Variants in COL14A1 observed in about 807,000 individuals in gnomAD.
COL14A1 encodes collagen alpha-1(XIV) chain.
Under a neutral mutation model 230.3 loss-of-function variants are expected in COL14A1, and 136 were observed. The ratio of observed to expected loss-of-function variants is 0.59; its 90% confidence interval spans 0.51 to 0.68. COL14A1 has a LOEUF of 0.68. Among genes scored for constraint, COL14A1 ranks in the 30% least tolerant of loss-of-function variants. COL14A1 has a pLI of 0.00. For synonymous variants in COL14A1, 792 were observed against 784.1 expected (o/e 1.01, Z -0.17); for missense variants, 1,976 against 2,215.8 (o/e 0.89, Z 2.17).
At chr8:120,178,591 C>A (rs1816362129) in intron 5 of COL14A1, among the ~76,000 whole-genome samples, 1 of 152,148 alleles carries the variant, frequency 6.6e-6, no homozygotes, top group African/African-American at 2.4e-5. Flanking sequence ...GGTATATACC[C>A]AGTAGTAGGA....
chr8:120,265,999 A>G (rs1054721059), intron 24 of COL14A1, among the ~76,000 whole-genome samples: 3 of 152,084 alleles, frequency 2.0e-5, no homozygotes, highest in Non-Finnish European at 4.4e-5. Context: ...GTGAATGGCT[A>G]TGTTTAGTGG....
intron 5 of COL14A1, among the ~76,000 whole-genome samples, chr8:120,188,000 C>G (rs566176995): frequency 2.3e-4 from 35 of 152,188 alleles, no homozygotes; most frequent in African/African-American, 7.5e-4. Context: ...TCCTTTCTGA[C>G]TGCAAATGGG....
intron 5 of COL14A1, among the ~76,000 whole-genome samples, chr8:120,175,168 TC>T (rs1439562452): frequency 6.6e-6 from 1 of 152,238 alleles, no homozygotes; most frequent in Non-Finnish European, 1.5e-5. Flanking sequence ...TAAGATTGTT[TC>T]CAATCTACTG....
At chr8:120,243,795 T>A in intron 19 of COL14A1, 84 bp from the exon 20 acceptor site, 1 of 1,472,298 alleles carries the variant, frequency 6.8e-7, no homozygotes, top group Non-Finnish European at 9.3e-7. Flanking sequence ...TTTGATTATT[T>A]CAAAATGCAT....
At chr8:120,305,512 T>C (rs1162898145) in intron 36 of COL14A1, among the ~76,000 whole-genome samples, 2 of 152,182 alleles carry the variant, frequency 1.3e-5, no homozygotes, top group Non-Finnish European at 2.9e-5. Flanking sequence ...ATTTGCGACA[T>C]TTCATTGTCT....
intron 1 of COL14A1, among the ~76,000 whole-genome samples, chr8:120,133,234 A>T (rs963368741): frequency 1.3e-5 from 2 of 152,084 alleles, no homozygotes; most frequent in African/African-American, 4.8e-5. Context: ...AAAAAATAAA[A>T]AAAAAAAAAA....
chr8:120,283,767 T>C lies in COL14A1; in HGVS notation c.3956T>C (p.Val1319Ala), dbSNP rs1820111807. ...AAAAATTCTGACCCATTGGTTGGGG[T>C]TATTTTAGACAGTAAGTATATTTAT... ...LNKNSDPLVGVILDNGGKTLT... is the reference protein window; with the variant it reads ...LNKNSDPLVGAILDNGGKTLT... Residue 1319 changes from valine (V) to alanine (A), a missense_variant, in exon 32 of 48, where the codon GTT becomes GCT. By Grantham distance (64) the Val-to-Ala change is moderately conservative. Transcript: ENST00000297848. 1 of 1,610,834 alleles carries C rather than the reference T, an allele frequency of 6.2e-7. No homozygotes were observed. Among genetic ancestry groups the C allele is most frequent in the Admixed American group, 1.7e-5 (1 of 59,274 alleles).
chr8:120,317,388 G>A (rs1036403553), intron 40 of COL14A1, among the ~76,000 whole-genome samples: 2 of 152,048 alleles, frequency 1.3e-5, no homozygotes. Flanking sequence ...TAAAATCTCA[G>A]TGTAGTCTCT....
At chr8:120,255,737 T>C (rs996859262) in intron 23 of COL14A1, among the ~76,000 whole-genome samples, 4 of 152,058 alleles carry the variant, frequency 2.6e-5, no homozygotes, top group Admixed American at 6.6e-5. Context: ...CTAATTTGGG[T>C]ATTCACTCTC....
intron 1 of COL14A1, among the ~76,000 whole-genome samples, chr8:120,134,674 T>C (rs938346633): frequency 2.6e-5 from 4 of 152,120 alleles, no homozygotes; most frequent in Non-Finnish European, 5.9e-5. Flanking sequence ...AAATTTCTCA[T>C]AAAAAGATGA....
chr8:120,171,572 CAT>C (rs1297185559), intron 5 of COL14A1, among the ~76,000 whole-genome samples: 1 of 152,150 alleles, frequency 6.6e-6, no homozygotes, highest in Non-Finnish European at 1.5e-5. Context: ...GCTTTGTTGA[CAT>C]GTGTGTTTTC....
intron 5 of COL14A1, among the ~76,000 whole-genome samples, chr8:120,177,145 C>A (rs1374387631): frequency 6.6e-6 from 1 of 152,106 alleles, no homozygotes; most frequent in Non-Finnish European, 1.5e-5. Context: ...TATAAAAATG[C>A]CCTGCAGCTG....
At chr8:120,274,169 C>T (rs1819769046) in intron 26 of COL14A1, among the ~76,000 whole-genome samples, 1 of 151,474 alleles carries the variant, frequency 6.6e-6, no homozygotes, top group Non-Finnish European at 1.5e-5. Context: ...ACAGAGAGGG[C>T]TTAACATACA....
At position 120,352,006 on chromosome 8, in the gene COL14A1, C is replaced by T. The variant is rs1586890704; in HGVS notation, c.5077+6443C>T. 3.4e-5 allele frequency among the ~76,000 whole-genome samples: 3 copies of T among 87,432 alleles called. 1 individual carries two copies. Among genetic ancestry groups the T allele is most frequent in the Non-Finnish European group, 6.4e-5 (3 of 46,876 alleles). The allele number at this position is 87,432 out of a possible 152,430, so 57.4% of individuals were successfully genotyped here. On this transcript the variant is annotated intron_variant, in intron 45 of 47. Transcript: ENST00000297848. ...AATCCTCAATAAAATACTGGCAAAA[C>T]GAATCCGGCAGCACATCAAAAAGCT...
intron 15 of COL14A1, 66 bp from the exon 16 acceptor site, chr8:120,226,561 G>C: frequency 1.9e-6 from 3 of 1,560,770 alleles, no homozygotes; most frequent in Middle Eastern, 3.5e-4. Flanking sequence ...ACCCCTGGGA[G>C]ATACTTGGGT....
chr8:120,323,701 A>C (rs1402430090), intron 40 of COL14A1, among the ~76,000 whole-genome samples: 1 of 151,894 alleles, frequency 6.6e-6, no homozygotes, highest in African/African-American at 2.4e-5. Flanking sequence ...TTTTTTTGTC[A>C]GGTTTCTCAA....
intron 45 of COL14A1, among the ~76,000 whole-genome samples, chr8:120,357,820 G>A (rs1219959818): frequency 6.6e-6 from 1 of 152,140 alleles, no homozygotes; most frequent in Non-Finnish European, 1.5e-5. Context: ...AATGTCAGAT[G>A]TAGGTTTTCA....
At chr8:120,223,416 T>C (rs1163389103) in intron 14 of COL14A1, among the ~76,000 whole-genome samples, 2 of 152,116 alleles carry the variant, frequency 1.3e-5, no homozygotes, top group Non-Finnish European at 2.9e-5. Context: ...ACGCTTGTAA[T>C]CCCAGCACTT....
At chr8:120,248,353 T>C (rs1405862502) in intron 21 of COL14A1, among the ~76,000 whole-genome samples, 1 of 152,128 alleles carries the variant, frequency 6.6e-6, no homozygotes, top group Non-Finnish European at 1.5e-5. Context: ...ATCGTACCCT[T>C]GGTCTGTATG....
Sources: allele counts gnomAD v4.1 joint callset (sites outside exome capture counted in the v4.1 genomes callset), GRCh38; gene constraint gnomAD v4.1.1; transcripts MANE v1.5; gene names NCBI Gene and HGNC (gene_info 2026-07-23, HGNC 2026-07-21).